Variants in PSPC1 observed in about 807,000 individuals in gnomAD.
PSPC1 encodes paraspeckle component 1, also known as paraspeckle protein 1.
Under a neutral mutation model 51.6 loss-of-function variants are expected in PSPC1, and 14 were observed. The ratio of observed to expected loss-of-function variants is 0.27; its 90% CI spans 0.18 to 0.42. PSPC1 has a LOEUF of 0.42. Ranked by LOEUF, PSPC1 falls within the 10% of genes least tolerant of loss-of-function variation. The probability of loss-of-function intolerance (pLI) is 1.00; values close to 1 mark genes in which losing one functional copy is unlikely to be tolerated. For missense variants in PSPC1, 406 were observed against 701.1 expected (o/e 0.58, Z 4.75); for synonymous variants, 193 against 231.9 (o/e 0.83, Z 1.53).
Position 19,731,634 on chromosome 13 carries a change from A to C in PSPC1, c.1053-1290T>G, listed in dbSNP as rs573469136. 4.5e-4 allele frequency among the ~76,000 whole-genome samples: 69 copies of C among 152,224 alleles called. 1 individual carries two copies. The highest frequency in any genetic ancestry group is 8.7e-4 in the African/African-American group (36 of 41,562). ...TTGCCATGTTGCCCAGACTGGTCTT[A>C]AACTCCTGGGCTCAAGTGGTCTGCC... On this transcript the variant is annotated intron_variant, in intron 5 of 8. Coordinates refer to ENST00000338910, the MANE Select transcript of PSPC1 (RefSeq NM_001354909.2).
chr13:19,745,660 C>G (rs1885898392), intron 4 of PSPC1, among the ~76,000 whole-genome samples: 1 of 148,852 alleles, frequency 6.7e-6, no homozygotes, highest in Non-Finnish European at 1.5e-5. Context: ...CGCTCTGTCG[C>G]CCTGGCTGGA....
At position 19,782,637 on chromosome 13, in the gene PSPC1, G is replaced by C. The variant is rs746285946; in HGVS notation, c.121C>G (p.Leu41Val). 1 of 1,566,582 alleles carries C rather than the reference G, an allele frequency of 6.4e-7. No homozygotes were observed. Among genetic ancestry groups the C allele is most frequent in the African/African-American group, 1.4e-5 (1 of 70,340 alleles). ...PAAAAAMALA[L>V]AGEPAPPAPA... ...GCGGGCGGTGCCGGCTCCCCGGCAA[G>C]AGCGAGCGCCATGGCTGCCGCGGCC... is the stretch of plus-strand genomic sequence containing the variant. The change falls in exon 1 of 9, where the codon CTT (leucine) becomes GTT (valine). Residue 41 changes from leucine to valine, a missense_variant. Physicochemically the swap from Leu to Val is conservative, Grantham distance 32. This residue lies in a region of PSPC1 where 128 missense variants were observed against 107.1 expected (regional missense o/e 1.20). Coordinates refer to ENST00000338910, the MANE Select transcript of PSPC1 (RefSeq NM_001354909.2). This position sits in a 1 kb window ranked among gnomAD's most constrained non-coding sequence, Gnocchi z 4.5.
chr13:19,709,602 G>A lies in PSPC1; in HGVS notation c.1159-3C>T. 6.2e-7 allele frequency: 1 copy of A among 1,607,500 alleles called. No homozygotes were observed. The highest frequency in any genetic ancestry group is 8.5e-7 in the Non-Finnish European group (1 of 1,176,812). On this transcript the variant is annotated splice_polypyrimidine_tract_variant and splice_region_variant and intron_variant, in intron 6 of 8. Coordinates refer to ENST00000338910, the MANE Select transcript of PSPC1 (RefSeq NM_001354909.2). Reference sequence around the variant, plus strand: ...CCCATTCTCATTTCCTGTTCTCTCTGTAAGTAAACATAGTTGTCACAGTCA... The same window carrying A: ...CCCATTCTCATTTCCTGTTCTCTCTATAAGTAAACATAGTTGTCACAGTCA...
intron 4 of PSPC1, among the ~76,000 whole-genome samples, chr13:19,746,709 AT>A (rs951507799): frequency 2.9e-4 from 44 of 152,074 alleles, no homozygotes; most frequent in East Asian, 1.2e-3. Flanking sequence ...TCAAAAAAAA[AT>A]TTTTTTTTAA....
At chr13:19,675,416 A>C (rs1244659171) in intron 7 of PSPC1, 2 of 152,216 alleles carry the variant, frequency 1.3e-5, no homozygotes, top group Non-Finnish European at 2.9e-5. Context: ...TAATTTACAA[A>C]TAAAAAGCCA....
intron 1 of PSPC1, among the ~76,000 whole-genome samples, chr13:19,775,837 T>G (rs2138340917): frequency 6.6e-6 from 1 of 152,060 alleles, no homozygotes; most frequent in South Asian, 2.1e-4. Context: ...AATCACGAGG[T>G]CAGGAGATTG....
At chr13:19,736,599 C>T (rs1593663614) in intron 5 of PSPC1, among the ~76,000 whole-genome samples, 1 of 152,114 alleles carries the variant, frequency 6.6e-6, no homozygotes, top group Non-Finnish European at 1.5e-5. Context: ...AGGAGAATGG[C>T]ATGAACCTGG....
intron 6 of PSPC1, among the ~76,000 whole-genome samples, chr13:19,725,356 A>G (rs1414590411): frequency 6.6e-6 from 1 of 152,184 alleles, no homozygotes; most frequent in Non-Finnish European, 1.5e-5. Context: ...GTGCTCAGTG[A>G]GCCTTCTAAA....
chr13:19,751,472 A>G lies in PSPC1; in HGVS notation c.771-5T>C. The G allele has an allele frequency of 6.7e-7, 1 of 1,495,566 alleles. No homozygotes were observed. The highest frequency in any genetic ancestry group is 8.9e-7 in the Non-Finnish European group (1 of 1,125,264). The allele number at this position is 1,495,566 out of a possible 1,614,324, so 92.6% of individuals were successfully genotyped here. On this transcript the variant is annotated splice_polypyrimidine_tract_variant and splice_region_variant and intron_variant, in intron 3 of 8. Transcript: ENST00000338910. ...CGTGGTGGTTGTTCTCTTTCCCTAAATTAACATTAAAACATACAGAAATGT... is the reference window on the plus strand; with the variant it reads ...CGTGGTGGTTGTTCTCTTTCCCTAAGTTAACATTAAAACATACAGAAATGT...
At chr13:19,781,100 C>G (rs111322180) in intron 1 of PSPC1, among the ~76,000 whole-genome samples, 1 of 149,836 alleles carries the variant, frequency 6.7e-6, no homozygotes, top group Admixed American at 6.7e-5. Flanking sequence ...GAACTGAGAT[C>G]GCGCCACTGC....
At chr13:19,777,812 G>A (rs1889326958) in intron 1 of PSPC1, among the ~76,000 whole-genome samples, 1 of 152,000 alleles carries the variant, frequency 6.6e-6, no homozygotes, top group Non-Finnish European at 1.5e-5. Context: ...CAGGCCTGGT[G>A]GCACACACCT....
chr13:19,738,486 G>A (rs986357606), intron 5 of PSPC1, among the ~76,000 whole-genome samples: 1 of 152,080 alleles, frequency 6.6e-6, no homozygotes, highest in Non-Finnish European at 1.5e-5. Context: ...TATGTAAACA[G>A]CACTGTTTAC....
intron 6 of PSPC1, among the ~76,000 whole-genome samples, chr13:19,687,799 C>A (rs9508849): frequency 0.89 from 135,481 of 152,100 alleles, 61,381 homozygotes; most frequent in Non-Finnish European, 0.98. Flanking sequence ...ACTGCCAATC[C>A]CTAGGTATAT....
At chr13:19,728,393 G>A (rs1181254738) in intron 6 of PSPC1, among the ~76,000 whole-genome samples, 1 of 150,704 alleles carries the variant, frequency 6.6e-6, no homozygotes, top group Admixed American at 6.6e-5. Flanking sequence ...AAACTGAACA[G>A]TGAAATAAAG....
chr13:19,686,167 G>A (rs1032955978), intron 6 of PSPC1, among the ~76,000 whole-genome samples: 1 of 152,138 alleles, frequency 6.6e-6, no homozygotes, highest in African/African-American at 2.4e-5. Context: ...CCTAGGCAAA[G>A]TCTCTCCGCT....
intron 6 of PSPC1, among the ~76,000 whole-genome samples, chr13:19,717,779 G>T (rs1283654598): frequency 6.6e-6 from 1 of 151,560 alleles, no homozygotes; most frequent in Non-Finnish European, 1.5e-5. Flanking sequence ...TTAGAAGGCT[G>T]AGACAGGAGA....
intron 5 of PSPC1, among the ~76,000 whole-genome samples, chr13:19,740,233 C>T (rs972410365): frequency 1.3e-5 from 2 of 151,752 alleles, no homozygotes; most frequent in African/African-American, 4.8e-5. Context: ...ATCCCAGCTA[C>T]TCGGGAGGCT....
chr13:19,728,117 T>C (rs1226178704), intron 6 of PSPC1, among the ~76,000 whole-genome samples: 1 of 152,160 alleles, frequency 6.6e-6, no homozygotes, highest in Non-Finnish European at 1.5e-5. Flanking sequence ...AAAATTATGA[T>C]CAAGTTGAAG....
intron 6 of PSPC1, among the ~76,000 whole-genome samples, chr13:19,679,341 C>A (rs1192112495): frequency 6.6e-6 from 1 of 151,826 alleles, no homozygotes; most frequent in Non-Finnish European, 1.5e-5. Context: ...CAAAAAAATA[C>A]AAAAATTAGC....
Sources: allele counts gnomAD v4.1 joint callset (sites outside exome capture counted in the v4.1 genomes callset), GRCh38; gene constraint gnomAD v4.1.1; regional missense constraint gnomAD v4.1.1; non-coding constraint Gnocchi (gnomAD v3.1); transcripts MANE v1.5; gene names NCBI Gene and HGNC (gene_info 2026-07-23, HGNC 2026-07-21).